GRM7: variants seen among roughly 807,000 people sequenced by gnomAD.
GRM7 encodes the protein glutamate metabotropic receptor 7.
A neutral mutation model predicts 84.5 loss-of-function variants in GRM7; 35 were observed. The ratio of observed to expected loss-of-function variants is 0.41; its 90% CI spans 0.32 to 0.55. The LOEUF (loss-of-function observed/expected upper bound fraction) is 0.55. Among genes scored for constraint, GRM7 ranks in the 20% least tolerant of loss-of-function variants. The pLI is 0.19. For missense variants in GRM7, 1,003 were observed against 1,194.6 expected (o/e 0.84, Z 2.36); for synonymous variants, 487 against 455.1 (o/e 1.07, Z -0.89).
At chr3:7,201,128 C>A (rs2125113761) in intron 2 of GRM7, among the ~76,000 whole-genome samples, 1 of 151,992 alleles carries the variant, frequency 6.6e-6, no homozygotes, top group East Asian at 1.9e-4. Flanking sequence ...CACCACCACG[C>A]CCGGCTAATT....
At chr3:7,016,495 T>A (rs1210843911) in intron 1 of GRM7, among the ~76,000 whole-genome samples, 1 of 152,144 alleles carries the variant, frequency 6.6e-6, no homozygotes, top group Non-Finnish European at 1.5e-5. Flanking sequence ...CTGCCTCTTG[T>A]TTGTATGCTG....
chr3:7,176,511 A>G (rs1695156533), intron 2 of GRM7, among the ~76,000 whole-genome samples: 2 of 152,296 alleles, frequency 1.3e-5, no homozygotes, highest in South Asian at 4.1e-4. Flanking sequence ...CAGTGCAGAA[A>G]ATATACGCAA....
At chr3:7,448,904 C>A (rs764088645) in intron 5 of GRM7, among the ~76,000 whole-genome samples, 1 of 151,670 alleles carries the variant, frequency 6.6e-6, no homozygotes, top group South Asian at 2.1e-4. Flanking sequence ...TAGTCTGAAC[C>A]TATTTCATAG....
chr3:7,630,481 G>A (rs1206092804), intron 8 of GRM7, among the ~76,000 whole-genome samples: 5 of 152,114 alleles, frequency 3.3e-5, no homozygotes, highest in East Asian at 1.9e-4. Context: ...CCTGCCAGAC[G>A]CACCTCTTCC....
At chr3:7,542,711 C>G in intron 7 of GRM7, among the ~76,000 whole-genome samples, 1 of 152,008 alleles carries the variant, frequency 6.6e-6, no homozygotes, top group Non-Finnish European at 1.5e-5. Context: ...CCACGCCAGG[C>G]CAATTTTTGT....
chr3:7,297,766 G>T (rs1699862048), intron 2 of GRM7, among the ~76,000 whole-genome samples: 1 of 152,044 alleles, frequency 6.6e-6, no homozygotes, highest in Non-Finnish European at 1.5e-5. Context: ...TCTGCCCCTG[G>T]GTCTTGTGCC....
intron 9 of GRM7, among the ~76,000 whole-genome samples, chr3:7,692,308 C>A (rs1700836234): frequency 6.6e-6 from 1 of 152,094 alleles, no homozygotes; most frequent in Admixed American, 6.6e-5. Context: ...ATTTTAAGTA[C>A]AAATAATAGT....
chr3:7,377,865 T>A, intron 4 of GRM7, among the ~76,000 whole-genome samples: 1 of 152,214 alleles, frequency 6.6e-6, no homozygotes, highest in East Asian at 1.9e-4. Context: ...AGGTTACCAC[T>A]TAGTTAACTA....
At chr3:7,457,216 A>G (rs1401382705) in intron 6 of GRM7, among the ~76,000 whole-genome samples, 1 of 152,208 alleles carries the variant, frequency 6.6e-6, no homozygotes, top group East Asian at 1.9e-4. Context: ...TAATTTAATA[A>G]TTCTGGTCTT....
chr3:7,446,495 C>T (rs1297870775), intron 5 of GRM7, among the ~76,000 whole-genome samples: 2 of 116,780 alleles, frequency 1.7e-5, no homozygotes, highest in Non-Finnish European at 3.2e-5. Context: ...GAGTCTCATT[C>T]TGTAGCCCAG....
At chr3:7,579,938 A>G (rs989477559) in intron 8 of GRM7, among the ~76,000 whole-genome samples, 1 of 152,234 alleles carries the variant, frequency 6.6e-6, no homozygotes, top group Non-Finnish European at 1.5e-5. Flanking sequence ...TAGGCTCCCT[A>G]CAACTAGATG....
intron 1 of GRM7, among the ~76,000 whole-genome samples, chr3:7,044,127 G>C (rs1038691400): frequency 2.6e-5 from 4 of 152,148 alleles, no homozygotes; most frequent in Non-Finnish European, 4.4e-5. Context: ...CATCATCCAA[G>C]TCACTGATAA....
intron 1 of GRM7, among the ~76,000 whole-genome samples, chr3:7,050,247 T>C (rs1696944240): frequency 6.6e-6 from 1 of 151,860 alleles, no homozygotes; most frequent in African/African-American, 2.4e-5. Flanking sequence ...GAAGACTTGT[T>C]TTAATGGAGG....
At chr3:6,981,096 G>T (rs753880819) in intron 1 of GRM7, among the ~76,000 whole-genome samples, 1 of 152,096 alleles carries the variant, frequency 6.6e-6, no homozygotes, top group Non-Finnish European at 1.5e-5. Flanking sequence ...TGTAAAATTC[G>T]CAAAGGCCAT....
At chr3:7,189,006 A>C (rs1695616982) in intron 2 of GRM7, among the ~76,000 whole-genome samples, 1 of 152,164 alleles carries the variant, frequency 6.6e-6, no homozygotes, top group South Asian at 2.1e-4. Flanking sequence ...GTGGTCTCCG[A>C]CCTGTTGCAG....
chr3:7,706,234 G>C (rs960774852), intron 9 of GRM7, among the ~76,000 whole-genome samples: 2 of 152,096 alleles, frequency 1.3e-5, no homozygotes, highest in Non-Finnish European at 2.9e-5. Flanking sequence ...TTGTATTTTT[G>C]ATCACTTATC....
intron 9 of GRM7, among the ~76,000 whole-genome samples, chr3:7,705,510 A>C (rs1180965715): frequency 6.6e-6 from 1 of 152,228 alleles, no homozygotes; most frequent in East Asian, 1.9e-4. Flanking sequence ...GCAACTGTGA[A>C]AAACCTCTGA....
intron 7 of GRM7, among the ~76,000 whole-genome samples, chr3:7,491,697 A>G (rs1270060206): frequency 6.6e-6 from 1 of 152,214 alleles, no homozygotes. Flanking sequence ...CCTCTACACA[A>G]CAGCTGTACG....
chr3:7,623,500 A>G (rs1027044598), intron 8 of GRM7, among the ~76,000 whole-genome samples: 36 of 152,302 alleles, frequency 2.4e-4, no homozygotes, highest in Admixed American at 2.6e-4. Flanking sequence ...ATCAGCACTC[A>G]TGTAAGCTGA....
Sources: allele counts gnomAD v4.1 joint callset (sites outside exome capture counted in the v4.1 genomes callset), GRCh38; gene constraint gnomAD v4.1.1; transcripts MANE v1.5; gene names NCBI Gene and HGNC (gene_info 2026-07-23, HGNC 2026-07-21).